The following KCNQ3 variants were observed in gnomAD, a reference collection of about 807,000 sequenced individuals.
KCNQ3 encodes the protein potassium voltage-gated channel subfamily Q member 3.
Under a neutral mutation model 92.5 loss-of-function variants are expected in KCNQ3, and 30 were observed. The observed-to-expected ratio is 0.32, with a 90% CI of 0.24 to 0.44. KCNQ3 has a LOEUF of 0.44. Ranked by LOEUF, KCNQ3 falls within the 20% of genes least tolerant of loss-of-function variation. The pLI is 1.00. For missense variants in KCNQ3, 913 were observed against 1,140.3 expected (o/e 0.80, Z 2.87); for synonymous variants, 450 against 468.8 (o/e 0.96, Z 0.52).
intron 1 of KCNQ3, among the ~76,000 whole-genome samples, chr8:132,207,921 TAAAAAAAA>T (rs762571946): frequency 1.9e-5 from 2 of 103,912 alleles, no homozygotes; most frequent in Admixed American, 1.0e-4. Context: ...TGAGAGAGAT[TAAAAAAAA>T]AAAAAAAAAA....
intron 1 of KCNQ3, among the ~76,000 whole-genome samples, chr8:132,271,371 A>G (rs1816142424): frequency 6.6e-6 from 1 of 152,268 alleles, no homozygotes; most frequent in African/African-American, 2.4e-5. Context: ...TACATTGGTC[A>G]GTGCCAAGAA....
At chr8:132,228,760 A>G (rs1463878923) in intron 1 of KCNQ3, among the ~76,000 whole-genome samples, 2 of 117,946 alleles carry the variant, frequency 1.7e-5, no homozygotes, top group South Asian at 3.0e-4. Context: ...CTGACTCTTG[A>G]AAAAAAAAAA....
intron 1 of KCNQ3, among the ~76,000 whole-genome samples, chr8:132,421,614 CT>C (rs879611768): frequency 2.0e-5 from 3 of 151,890 alleles, no homozygotes; most frequent in Admixed American, 1.3e-4. Flanking sequence ...TGAAAGTGGT[CT>C]TTTTTTTCTT....
intron 1 of KCNQ3, among the ~76,000 whole-genome samples, chr8:132,256,658 T>C (rs985789822): frequency 1.3e-5 from 2 of 152,188 alleles, no homozygotes; most frequent in Non-Finnish European, 2.9e-5. Context: ...AGTTGATTAC[T>C]TATCAGAAAC....
intron 1 of KCNQ3, among the ~76,000 whole-genome samples, chr8:132,222,877 C>T (rs1162850868): frequency 6.6e-6 from 1 of 152,194 alleles, no homozygotes; most frequent in African/African-American, 2.4e-5. Context: ...CATGACTTCA[C>T]AGATAGTATT....
intron 1 of KCNQ3, among the ~76,000 whole-genome samples, chr8:132,358,041 T>C (rs997130668): frequency 1.3e-5 from 2 of 152,166 alleles, no homozygotes; most frequent in Non-Finnish European, 2.9e-5. Context: ...ACTTACTGAG[T>C]TGCATTGTAA....
At chr8:132,479,365 A>T (rs1395307723) in intron 1 of KCNQ3, among the ~76,000 whole-genome samples, 1 of 152,124 alleles carries the variant, frequency 6.6e-6, no homozygotes, top group East Asian at 1.9e-4. Context: ...CCAAAGCAGG[A>T]GAAGCAGCAG....
intron 1 of KCNQ3, among the ~76,000 whole-genome samples, chr8:132,400,598 G>A (rs1047829196): frequency 5.9e-5 from 9 of 152,238 alleles, no homozygotes; most frequent in African/African-American, 2.2e-4. Flanking sequence ...AGGCTTCTGA[G>A]GAAGCCCACG....
intron 1 of KCNQ3, among the ~76,000 whole-genome samples, chr8:132,299,266 C>T (rs1442208141): frequency 6.6e-6 from 1 of 151,726 alleles, no homozygotes; most frequent in Non-Finnish European, 1.5e-5. Flanking sequence ...ACATATTCTT[C>T]CAGACATACT....
intron 1 of KCNQ3, among the ~76,000 whole-genome samples, chr8:132,424,107 G>A (rs895661269): frequency 1.1e-4 from 16 of 152,018 alleles, no homozygotes; most frequent in African/African-American, 2.7e-4. Context: ...AACTGGTTCC[G>A]AATGGCAGCC....
intron 1 of KCNQ3, among the ~76,000 whole-genome samples, chr8:132,313,085 A>G (rs1030461708): frequency 6.6e-6 from 1 of 152,218 alleles, no homozygotes; most frequent in Non-Finnish European, 1.5e-5. Flanking sequence ...AGCAAGGCCA[A>G]CAGCAATCCA....
chr8:132,384,391 T>A (rs144424628), intron 1 of KCNQ3, among the ~76,000 whole-genome samples: 71 of 152,348 alleles, frequency 4.7e-4, no homozygotes, highest in African/African-American at 1.6e-3. Context: ...AGTAATGTGA[T>A]GGCAATTTTT....
chr8:132,446,350 G>C (rs1444663812), intron 1 of KCNQ3, among the ~76,000 whole-genome samples: 18 of 152,208 alleles, frequency 1.2e-4, no homozygotes, highest in Admixed American at 6.5e-5. Context: ...ACATTAGCTT[G>C]ACCTGAGAGC....
At chr8:132,415,495 G>A (rs1357247988) in intron 1 of KCNQ3, among the ~76,000 whole-genome samples, 1 of 152,202 alleles carries the variant, frequency 6.6e-6, no homozygotes, top group Non-Finnish European at 1.5e-5. Flanking sequence ...GCCCCCGGCT[G>A]CAGAACCAAA....
intron 1 of KCNQ3, among the ~76,000 whole-genome samples, chr8:132,414,303 G>A (rs1820734140): frequency 6.6e-6 from 1 of 152,014 alleles, no homozygotes; most frequent in South Asian, 2.1e-4. Flanking sequence ...GGAGGGAGCA[G>A]GGAAGCCCAG....
At chr8:132,361,346 C>G (rs1049132275) in intron 1 of KCNQ3, among the ~76,000 whole-genome samples, 1 of 152,176 alleles carries the variant, frequency 6.6e-6, no homozygotes, top group Non-Finnish European at 1.5e-5. Flanking sequence ...TAGCAAAACT[C>G]TCCCCAAATG....
chr8:132,164,695 A>G (rs140490384), intron 8 of KCNQ3, among the ~76,000 whole-genome samples: 202 of 152,282 alleles, frequency 1.3e-3, no homozygotes, highest in African/African-American at 4.8e-3. Flanking sequence ...GAAAGGTAGT[A>G]AGGGGAAGGA....
At chr8:132,455,387 G>C (rs972402798) in intron 1 of KCNQ3, among the ~76,000 whole-genome samples, 1 of 151,906 alleles carries the variant, frequency 6.6e-6, no homozygotes, top group Admixed American at 6.5e-5. Context: ...GATTATAGGC[G>C]TAAGCCACTG....
chr8:132,224,685 T>C (rs1814352289), intron 1 of KCNQ3, among the ~76,000 whole-genome samples: 2 of 152,234 alleles, frequency 1.3e-5, no homozygotes, highest in South Asian at 4.1e-4. Context: ...GACAATTCTC[T>C]TTCTAAGCAG....
Sources: allele counts gnomAD v4.1 joint callset (sites outside exome capture counted in the v4.1 genomes callset), GRCh38; gene constraint gnomAD v4.1.1; transcripts MANE v1.5; gene names NCBI Gene and HGNC (gene_info 2026-07-23, HGNC 2026-07-21).